The following NAE1 variants were observed in gnomAD, a reference collection of about 807,000 sequenced individuals.
NAE1 encodes NEDD8 activating enzyme E1 subunit 1.
A neutral mutation model predicts 88.0 loss-of-function variants in NAE1; 59 were observed. The observed-to-expected ratio is 0.67, with a 90% CI of 0.54 to 0.83. The LOEUF (loss-of-function observed/expected upper bound fraction) is 0.83. Among genes scored for constraint, NAE1 ranks in the 40% least tolerant of loss-of-function variants. NAE1 has a pLI of 0.00. For missense variants in NAE1, 554 were observed against 632.8 expected (o/e 0.88, Z 1.34); for synonymous variants, 186 against 208.9 (o/e 0.89, Z 0.95).
chr16:66,827,828 A>G (rs1169872080), intron 1 of NAE1: 7 of 637,848 alleles, frequency 1.1e-5, no homozygotes, highest in Middle Eastern at 4.1e-4. Flanking sequence ...TATGTCCTCC[A>G]GAGCATGTCA....
At chr16:66,811,760 GCTGA>G (rs1297274049) in intron 13 of NAE1, among the ~76,000 whole-genome samples, 2 of 152,146 alleles carry the variant, frequency 1.3e-5, no homozygotes, top group Non-Finnish European at 2.9e-5. Context: ...CAGTGTTCAG[GCTGA>G]CTACCTCCCA....
rs1345405868 is a variant in NAE1, at chr16:66,809,042, C to G, written c.1184G>C (p.Cys395Ser). Residue 395 changes from cysteine to serine, a missense_variant, in exon 16 of 20, where the codon TGT (cysteine) becomes TCT (serine). By Grantham distance (112) the Cys-to-Ser change is moderately radical. Coordinates refer to ENST00000290810, the MANE Select transcript of NAE1 (RefSeq NM_003905.4). ...ACCATATTCTTCAGCTAAGGATCGA[C>G]ATCTTACCACTCGAAGAAATGCAGA... ...SNSAFLRVVR[C>S]RSLAEEYGLD... The G allele has an allele frequency of 6.2e-7, 1 of 1,612,538 alleles. No homozygotes were observed. The highest frequency in any genetic ancestry group is 8.5e-7 in the Non-Finnish European group (1 of 1,179,144).
intron 13 of NAE1, among the ~76,000 whole-genome samples, chr16:66,812,422 G>GA (rs1160322354): frequency 6.7e-6 from 1 of 149,688 alleles, no homozygotes; most frequent in Non-Finnish European, 1.5e-5. Context: ...CATGAAGTAT[G>GA]AAAAAAAACT....
At chr16:66,824,016 C>T (rs1167054640) in intron 4 of NAE1, among the ~76,000 whole-genome samples, 1 of 152,188 alleles carries the variant, frequency 6.6e-6, no homozygotes, top group African/African-American at 2.4e-5. Context: ...AGATTACAGG[C>T]GTGAGCCACT....
chr16:66,817,393 G>T, intron 9 of NAE1, 32 bp downstream of exon 9: 1 of 1,469,294 alleles, frequency 6.8e-7, no homozygotes, highest in African/African-American at 1.4e-5. Context: ...AAATACAGTT[G>T]CATATGAAAT....
chr16:66,806,126 T>G, intron 17 of NAE1, 100 bp from the exon 18 acceptor site: 3 of 1,332,510 alleles, frequency 2.3e-6, no homozygotes, highest in Non-Finnish European at 3.0e-6. Flanking sequence ...TCAAAATATG[T>G]ATGAAACTGA....
intron 11 of NAE1, among the ~76,000 whole-genome samples, chr16:66,814,489 A>T (rs1308677827): frequency 6.6e-6 from 1 of 150,714 alleles, no homozygotes; most frequent in Non-Finnish European, 1.5e-5. Context: ...GCTACTTGGG[A>T]GGCTGAGGTG....
Position 66,818,706 on chromosome 16 carries a change from G to A in NAE1, c.512-69C>T. The A allele has an allele frequency of 3.3e-6, 5 of 1,497,232 alleles. No homozygotes were observed. The South Asian group carries it at 5.3e-5, about 16-fold the overall frequency. 92.7% of individuals were successfully genotyped at this position (1,497,232 alleles called of 1,614,324 possible). A position where few individuals can be genotyped will look rare whatever the true frequency, so the allele number is the denominator to read the frequency against. ...AAAAAAAAGAGAGAGATGGGGTCTTGCTGTATTACCCAGGCTGAAGTACAG... is the reference window on the plus strand; with the variant it reads ...AAAAAAAAGAGAGAGATGGGGTCTTACTGTATTACCCAGGCTGAAGTACAG... On this transcript the variant is annotated intron_variant, in intron 7 of 19. Coordinates refer to ENST00000290810, the MANE Select transcript of NAE1 (RefSeq NM_003905.4).
intron 8 of NAE1, among the ~76,000 whole-genome samples, chr16:66,817,929 ATTTT>A (rs1446930787): frequency 1.3e-5 from 2 of 152,088 alleles, no homozygotes; most frequent in South Asian, 2.1e-4. Context: ...ACTTCTTGGA[ATTTT>A]TTTATTTCTG....
At chr16:66,818,673 ACTT>A (rs1181812555) in intron 7 of NAE1, 36 bp from the exon 8 acceptor site, 3 of 1,560,898 alleles carry the variant, frequency 1.9e-6, no homozygotes, top group Admixed American at 2.0e-5. Context: ...TAAATTTAAC[ACTT>A]AAAAAAAAAA....
At chr16:66,820,309 G>A (rs1191067812) in intron 7 of NAE1, among the ~76,000 whole-genome samples, 1 of 152,222 alleles carries the variant, frequency 6.6e-6, no homozygotes, top group Non-Finnish European at 1.5e-5. Context: ...TATAAGTAAA[G>A]GGCTTATATA....
At chr16:66,808,888 T>C in intron 16 of NAE1, 101 bp downstream of exon 16, 2 of 747,506 alleles carry the variant, frequency 2.7e-6, no homozygotes, top group East Asian at 6.0e-5. Context: ...TTACGTTATC[T>C]TTAATATCAT....
intron 13 of NAE1, 60 bp from the exon 14 acceptor site, chr16:66,810,832 T>G: frequency 6.8e-7 from 1 of 1,468,398 alleles, no homozygotes. Flanking sequence ...TTTAAATTGT[T>G]ACCATGAACA....
At chr16:66,804,873 G>A (rs373765428) in intron 19 of NAE1, among the ~76,000 whole-genome samples, 3 of 151,820 alleles carry the variant, frequency 2.0e-5, no homozygotes, top group East Asian at 1.9e-4. Flanking sequence ...GGAAATGGGC[G>A]CTCACCAGAC....
At chr16:66,828,788 A>G (rs187877642) in intron 1 of NAE1, among the ~76,000 whole-genome samples, 111 of 152,100 alleles carry the variant, frequency 7.3e-4, no homozygotes, top group African/African-American at 2.7e-3. Context: ...GTGCAGAGGT[A>G]CGAGACCAGC....
At chr16:66,803,155 A>G in intron 19 of NAE1, 37 bp from the exon 20 acceptor site, 1 of 1,377,866 alleles carries the variant, frequency 7.3e-7, no homozygotes, top group Non-Finnish European at 1.0e-6. Flanking sequence ...TCTTTGAAAG[A>G]GTAAACTTCA....
At chr16:66,803,613 T>C (rs1276053452) in intron 19 of NAE1, among the ~76,000 whole-genome samples, 1 of 151,542 alleles carries the variant, frequency 6.6e-6, no homozygotes, top group Non-Finnish European at 1.5e-5. Flanking sequence ...TTTTTTAGAC[T>C]AGAGTCTCAC....
chr16:66,816,697 A>C, intron 10 of NAE1, 25 bp from the exon 11 acceptor site: 1 of 1,531,618 alleles, frequency 6.5e-7, no homozygotes, highest in Non-Finnish European at 9.0e-7. Context: ...AATTGTTAGC[A>C]AACAGCCCTT....
intron 19 of NAE1, 195 bp downstream of exon 19, chr16:66,805,582 G>A (rs1173732802): frequency 2.4e-5 from 10 of 415,632 alleles, no homozygotes; most frequent in African/African-American, 1.0e-4. Flanking sequence ...AGGTTGCAGC[G>A]AGCTATGATG....
Sources: gnomAD v4.1 joint callset for allele counts (sites outside exome capture counted in the v4.1 genomes callset) on GRCh38, gnomAD v4.1.1 for gene constraint, MANE v1.5 for transcripts, NCBI Gene and HGNC (gene_info 2026-07-23, HGNC 2026-07-21) for gene names.